Variants in SND1 observed in about 807,000 individuals in gnomAD.
SND1 encodes staphylococcal nuclease and tudor domain containing 1, also known as staphylococcal nuclease domain-containing protein 1.
SND1 carries 38 observed loss-of-function variants against 121.7 expected under a neutral mutation model. That is an observed-to-expected ratio of 0.31 (90% CI 0.24 to 0.41). The LOEUF (loss-of-function observed/expected upper bound fraction) is 0.41, where lower values mean the gene tolerates loss of function less well. SND1 is among the 10% of genes least tolerant of loss of function. SND1 has a pLI of 1.00. For synonymous variants in SND1, 401 were observed against 447.4 expected (o/e 0.90, Z 1.31); for missense variants, 868 against 1,184.6 (o/e 0.73, Z 3.92).
intron 16 of SND1, among the ~76,000 whole-genome samples, chr7:128,063,853 C>T (rs994726155): frequency 6.6e-6 from 1 of 152,216 alleles, no homozygotes; most frequent in Non-Finnish European, 1.5e-5. Context: ...TGGAACCATG[C>T]AACTTGTCTG....
At chr7:128,084,894 GCAGGGCTGTCCT>G in intron 19 of SND1, 47 bp downstream of exon 19, 1 of 1,557,988 alleles carries the variant, frequency 6.4e-7, no homozygotes, top group South Asian at 1.2e-5. Flanking sequence ...AGGAACGATA[GCAGGGCTGTCCT>G]CAGGCCTCAG....
chr7:127,927,709 G>A (rs182144981), intron 14 of SND1, among the ~76,000 whole-genome samples: 3 of 152,164 alleles, frequency 2.0e-5, no homozygotes, highest in Non-Finnish European at 4.4e-5. Flanking sequence ...TATGAATACT[G>A]TTTTCATCCC....
chr7:127,829,622 A>G (rs1195528230), intron 11 of SND1, among the ~76,000 whole-genome samples: 1 of 152,184 alleles, frequency 6.6e-6, no homozygotes, highest in African/African-American at 2.4e-5. Context: ...GGTTCTCAGC[A>G]TACTTTCTCT....
At chr7:127,660,457 G>A (rs1010400770) in intron 1 of SND1, among the ~76,000 whole-genome samples, 1 of 152,126 alleles carries the variant, frequency 6.6e-6, no homozygotes, top group Non-Finnish European at 1.5e-5. Context: ...CAGGACTTTG[G>A]TTTTTGTTTA....
intron 22 of SND1, among the ~76,000 whole-genome samples, chr7:128,090,564 G>A (rs112048577): frequency 0.013 from 1,947 of 152,320 alleles, 22 homozygotes; most frequent in South Asian, 0.033. Context: ...GCAGCAGGAT[G>A]TGGCCAGCTT....
rs11765620 is a variant in SND1, at chr7:127,776,421, G to T, written c.1153-31063G>T. Among the ~76,000 whole-genome samples the T allele has an allele frequency of 3.0e-3, 462 of 152,014 alleles. 3 individuals carry two copies. The highest frequency in any genetic ancestry group is 0.01 in the African/African-American group (421 of 41,432). On this transcript the variant is annotated intron_variant, in intron 10 of 23. Transcript: ENST00000354725. ...AACAATAAATTTATGATGTAAAATG[G>T]TGTGTAACATCAGAGACAAGATTAA...
chr7:127,866,346 A>G (rs1014108386), intron 12 of SND1, among the ~76,000 whole-genome samples: 18 of 152,228 alleles, frequency 1.2e-4, no homozygotes, highest in Non-Finnish European at 2.4e-4. Flanking sequence ...CTATGGTTCA[A>G]GAAGCATATA....
chr7:127,813,439 GTTT>G (rs569562412), intron 11 of SND1, among the ~76,000 whole-genome samples: 21 of 32,584 alleles, frequency 6.4e-4, no homozygotes, highest in African/African-American at 3.1e-3. Flanking sequence ...GTTTTTGGTT[GTTT>G]GTTGTTGTTG....
intron 1 of SND1, among the ~76,000 whole-genome samples, chr7:127,676,433 T>A (rs571269943): frequency 1.3e-5 from 2 of 152,316 alleles, no homozygotes; most frequent in South Asian, 4.1e-4. Flanking sequence ...TCAGAATGAT[T>A]TTCACTTGAG....
intron 16 of SND1, among the ~76,000 whole-genome samples, chr7:128,041,493 C>T (rs1309235940): frequency 6.6e-5 from 10 of 152,174 alleles, no homozygotes; most frequent in Admixed American, 5.9e-4. Flanking sequence ...CCAATCTGCT[C>T]TTGCTCCACG....
intron 1 of SND1, among the ~76,000 whole-genome samples, chr7:127,671,558 T>C (rs1408304648): frequency 1.3e-5 from 2 of 152,172 alleles, no homozygotes; most frequent in Non-Finnish European, 2.9e-5. Context: ...GTGCAGTGGC[T>C]CTTCACAGGC....
chr7:127,831,822 T>A (rs1349086126), intron 11 of SND1, among the ~76,000 whole-genome samples: 1 of 152,182 alleles, frequency 6.6e-6, no homozygotes, highest in African/African-American at 2.4e-5. Flanking sequence ...CTTAATCAAA[T>A]TTTTCCCCTT....
At chr7:127,804,373 T>G (rs1306388402) in intron 10 of SND1, among the ~76,000 whole-genome samples, 2 of 152,210 alleles carry the variant, frequency 1.3e-5, no homozygotes, top group African/African-American at 4.8e-5. Context: ...GGTGCCTTGT[T>G]TTTTATTGGG....
intron 16 of SND1, among the ~76,000 whole-genome samples, chr7:128,025,814 C>A (rs988885674): frequency 1.3e-5 from 2 of 152,176 alleles, no homozygotes; most frequent in Non-Finnish European, 2.9e-5. Flanking sequence ...TCCCCCAACT[C>A]CTTTGAGGTT....
chr7:127,697,308 A>G (rs1358355001), intron 3 of SND1, among the ~76,000 whole-genome samples: 3 of 151,884 alleles, frequency 2.0e-5, no homozygotes, highest in Non-Finnish European at 2.9e-5. Flanking sequence ...GGTTCACCCC[A>G]GGGGAAGATA....
At chr7:127,779,465 A>C (rs1334389874) in intron 10 of SND1, among the ~76,000 whole-genome samples, 1 of 152,226 alleles carries the variant, frequency 6.6e-6, no homozygotes, top group Admixed American at 6.5e-5. Context: ...ACTTTTAAAA[A>C]GGATCTCATT....
Position 127,742,589 on chromosome 7 carries a change from G to A in SND1, c.1152+21189G>A, listed in dbSNP as rs1295089052. 2.0e-5 allele frequency among the ~76,000 whole-genome samples: 3 copies of A among 152,198 alleles called. 1 individual carries two copies. The highest frequency in any genetic ancestry group is 4.1e-4 in the South Asian group (2 of 4,820). ...ATAGGGTAGAAGATATGGGCGGGTG[G>A]GTAGTGGGATGGCGGCAAGTACCAT... On this transcript the variant is annotated intron_variant, in intron 10 of 23. Coordinates refer to ENST00000354725, the MANE Select transcript of SND1 (RefSeq NM_014390.4).
chr7:128,032,369 G>C (rs1792650987), intron 16 of SND1, among the ~76,000 whole-genome samples: 1 of 151,196 alleles, frequency 6.6e-6, no homozygotes, highest in East Asian at 2.0e-4. Context: ...CGAGCGGAGC[G>C]GGGCCAGGGC....
At position 127,976,544 on chromosome 7, in the gene SND1, T is replaced by G. The variant is rs553661456; in HGVS notation, c.1670-14403T>G. Among the ~76,000 whole-genome samples, 3 of 152,366 alleles carry G rather than the reference T, an allele frequency of 2.0e-5. No homozygotes were observed. In the East Asian group the frequency reaches 5.8e-4, roughly 29 times the overall value. ...GCTAAAAAGCTTCCGTTGAGTGCACTGCTGTGCCTTCCCTGTCCACTGGCC... is the reference window on the plus strand; with the variant it reads ...GCTAAAAAGCTTCCGTTGAGTGCACGGCTGTGCCTTCCCTGTCCACTGGCC... On this transcript the variant is annotated intron_variant, in intron 15 of 23. Coordinates refer to ENST00000354725, the MANE Select transcript of SND1 (RefSeq NM_014390.4).
Sources: allele counts gnomAD v4.1 joint callset (sites outside exome capture counted in the v4.1 genomes callset), GRCh38; gene constraint gnomAD v4.1.1; transcripts MANE v1.5; gene names NCBI Gene and HGNC (gene_info 2026-07-23, HGNC 2026-07-21).